SNTG1: variants seen among roughly 807,000 people sequenced by gnomAD.
The protein encoded by SNTG1 is syntrophin gamma 1.
Under a neutral mutation model 74.7 loss-of-function variants are expected in SNTG1, and 39 were observed. The ratio of observed to expected loss-of-function variants is 0.52; its 90% confidence interval spans 0.40 to 0.68. The LOEUF (loss-of-function observed/expected upper bound fraction) is 0.68, where lower values mean the gene tolerates loss of function less well. Ranked by LOEUF, SNTG1 falls within the 30% of genes least tolerant of loss-of-function variation. SNTG1 has a pLI of 0.00. For synonymous variants in SNTG1, 254 were observed against 217.1 expected (o/e 1.17, Z -1.49); for missense variants, 685 against 609.5 (o/e 1.12, Z -1.30).
intron 8 of SNTG1, among the ~76,000 whole-genome samples, chr8:50,464,024 C>G (rs1334083518): frequency 6.6e-6 from 1 of 152,188 alleles, no homozygotes; most frequent in African/African-American, 2.4e-5. Context: ...ACCTCATGAA[C>G]CAACTTCTGC....
intron 2 of SNTG1, among the ~76,000 whole-genome samples, chr8:50,217,247 G>T (rs945524180): frequency 2.0e-5 from 3 of 151,890 alleles, no homozygotes; most frequent in Non-Finnish European, 4.4e-5. Context: ...GTTTCATATT[G>T]ATGATGTAAA....
In SNTG1 at chr8:50,376,756, T is replaced by TATAGAGAGAGAG. The variant is rs1381048539; in HGVS notation, c.-27-17455_-27-17454insTAGAGAGAGAGA. Among the ~76,000 whole-genome samples the TATAGAGAGAGAG allele has an allele frequency of 3.6e-3, 323 of 89,906 alleles. 1 individual carries two copies. Among genetic ancestry groups the TATAGAGAGAGAG allele is most frequent in the Non-Finnish European group, 6.2e-3 (275 of 44,596 alleles). The allele number at this position is 89,906 out of a possible 152,430, so 59.0% of individuals were successfully genotyped here. A position where few individuals can be genotyped will look rare whatever the true frequency, so the allele number is the denominator to read the frequency against. ...ATATATATATATATATATATATATA[T>TATAGAGAGAGAG]AGAGAGAGAGAGAGAGAGAGAGAGA... On this transcript the variant is annotated intron_variant, in intron 2 of 18. Coordinates refer to ENST00000642720, the MANE Select transcript of SNTG1 (RefSeq NM_018967.5).
intron 2 of SNTG1, among the ~76,000 whole-genome samples, chr8:50,206,350 C>T (rs892580693): frequency 2.0e-5 from 3 of 152,162 alleles, no homozygotes; most frequent in African/African-American, 7.2e-5. Context: ...GGAGTTCACT[C>T]TTTATTTGGC....
chr8:50,246,376 T>A (rs2129783923), intron 2 of SNTG1, among the ~76,000 whole-genome samples: 1 of 152,216 alleles, frequency 6.6e-6, no homozygotes, highest in African/African-American at 2.4e-5. Context: ...TCCATCAAGT[T>A]TAACACACTT....
chr8:50,031,874 G>T (rs907412452), intron 1 of SNTG1, among the ~76,000 whole-genome samples: 6 of 152,050 alleles, frequency 3.9e-5, no homozygotes, highest in African/African-American at 1.4e-4. Flanking sequence ...TTCTAGAAAA[G>T]AATGTGTAGA....
chr8:50,029,365 TTTG>T (rs1168207157), intron 1 of SNTG1, among the ~76,000 whole-genome samples: 1 of 152,086 alleles, frequency 6.6e-6, no homozygotes, highest in Non-Finnish European at 1.5e-5. Flanking sequence ...TTCCATCCTC[TTTG>T]TTATTTTAAA....
At chr8:50,005,276 C>T (rs901343542) in intron 1 of SNTG1, among the ~76,000 whole-genome samples, 1 of 151,768 alleles carries the variant, frequency 6.6e-6, no homozygotes, top group Non-Finnish European at 1.5e-5. Flanking sequence ...CAAATAAAAA[C>T]TATTATTTTA....
chr8:50,490,578 GGT>G (rs1261440548), intron 8 of SNTG1, among the ~76,000 whole-genome samples: 1 of 152,134 alleles, frequency 6.6e-6, no homozygotes, highest in Non-Finnish European at 1.5e-5. Context: ...GTCTATTATT[GGT>G]GTACAGGAAT....
At chr8:50,558,206 T>C (rs2094467389) in intron 12 of SNTG1, among the ~76,000 whole-genome samples, 1 of 152,140 alleles carries the variant, frequency 6.6e-6, no homozygotes, top group Non-Finnish European at 1.5e-5. Flanking sequence ...TCTCTCTGAG[T>C]TTCCAGCTGG....
At chr8:50,771,892 C>T (rs962570588) in intron 18 of SNTG1, among the ~76,000 whole-genome samples, 2 of 152,052 alleles carry the variant, frequency 1.3e-5, no homozygotes, top group African/African-American at 4.8e-5. Context: ...TAAGCCTTGG[C>T]ATCCACATGG....
At chr8:50,169,900 T>A (rs2082745345) in intron 1 of SNTG1, among the ~76,000 whole-genome samples, 1 of 152,102 alleles carries the variant, frequency 6.6e-6, no homozygotes, top group Admixed American at 6.6e-5. Context: ...ATGCACTGAG[T>A]GTTCACCCAC....
intron 2 of SNTG1, among the ~76,000 whole-genome samples, chr8:50,291,819 C>T (rs1037497122): frequency 6.6e-6 from 1 of 152,026 alleles, no homozygotes; most frequent in South Asian, 2.1e-4. Context: ...AAGTAGAAGG[C>T]ATAGTTAGGA....
intron 1 of SNTG1, among the ~76,000 whole-genome samples, chr8:50,017,408 C>G (rs2130637903): frequency 6.6e-6 from 1 of 151,962 alleles, no homozygotes; most frequent in South Asian, 2.1e-4. Context: ...ATAACAGATG[C>G]AAATCCTACT....
chr8:50,605,330 G>A lies in SNTG1; in HGVS notation c.849+14413G>A, dbSNP rs145176450. Among the ~76,000 whole-genome samples the A allele has an allele frequency of 3.2e-4, 49 of 152,288 alleles. No homozygotes were observed. In the East Asian group the frequency reaches 9.3e-3, roughly 29 times the overall value. On this transcript the variant is annotated intron_variant, in intron 13 of 18. Transcript: ENST00000642720. ...CACTAGGAATTCCATAGGAATGTCAGTCCTTGTGGCTTAGACTGCCTTTCA... is the reference window on the plus strand; with the variant it reads ...CACTAGGAATTCCATAGGAATGTCAATCCTTGTGGCTTAGACTGCCTTTCA...
intron 2 of SNTG1, among the ~76,000 whole-genome samples, chr8:50,350,130 G>T (rs534433956): frequency 6.6e-6 from 1 of 152,156 alleles, no homozygotes; most frequent in Non-Finnish European, 1.5e-5. Context: ...TCGATTTCTC[G>T]CTGGTCCTTA....
At chr8:50,604,508 C>T (rs1175564012) in intron 13 of SNTG1, among the ~76,000 whole-genome samples, 7 of 152,092 alleles carry the variant, frequency 4.6e-5, no homozygotes, top group African/African-American at 9.7e-5. Context: ...CAAGGCAATG[C>T]CCTTTCCACT....
chr8:50,376,485 T>C (rs2092384194), intron 2 of SNTG1, among the ~76,000 whole-genome samples: 1 of 151,898 alleles, frequency 6.6e-6, no homozygotes, highest in Non-Finnish European at 1.5e-5. Flanking sequence ...TGATGTATCA[T>C]TGGATAGGAA....
chr8:50,605,436 A>G (rs558729106), intron 13 of SNTG1, among the ~76,000 whole-genome samples: 1 of 152,252 alleles, frequency 6.6e-6, no homozygotes, highest in South Asian at 2.1e-4. Context: ...TGGGATGGGT[A>G]ATTCCTTTCT....
At chr8:50,136,383 G>A (rs921559016) in intron 1 of SNTG1, among the ~76,000 whole-genome samples, 1 of 152,116 alleles carries the variant, frequency 6.6e-6, no homozygotes, top group African/African-American at 2.4e-5. Flanking sequence ...AAGCATATAA[G>A]CTTTCTCTTT....
Sources: gnomAD v4.1 joint callset for allele counts (sites outside exome capture counted in the v4.1 genomes callset) on GRCh38, gnomAD v4.1.1 for gene constraint, MANE v1.5 for transcripts, NCBI Gene and HGNC (gene_info 2026-07-23, HGNC 2026-07-21) for gene names.